UBE3B: variants seen among roughly 807,000 people sequenced by gnomAD.
The protein encoded by UBE3B is ubiquitin-protein ligase E3B.
UBE3B carries 80 observed loss-of-function variants against 132.3 expected under a neutral mutation model. The observed-to-expected ratio is 0.60, with a 90% CI of 0.50 to 0.73. UBE3B has a LOEUF of 0.73. UBE3B is among the 30% of genes least tolerant of loss of function. The probability of loss-of-function intolerance (pLI) is 0.00; values close to 1 mark genes in which losing one functional copy is unlikely to be tolerated. For synonymous variants in UBE3B, 487 were observed against 520.4 expected, an observed-to-expected ratio of 0.94 and a Z score of 0.87; for missense variants, 1,196 against 1,362.5, an observed-to-expected ratio of 0.88 and a Z score of 1.92.
chr12:109,525,822 A>C (rs1828892429), intron 23 of UBE3B, among the ~76,000 whole-genome samples: 1 of 152,222 alleles, frequency 6.6e-6, no homozygotes, highest in African/African-American at 2.4e-5. Context: ...ATTAGCTCTA[A>C]TATGAGCAAA....
At chr12:109,509,306 C>A (rs1350359805) in intron 15 of UBE3B, 3 of 194,774 alleles carry the variant, frequency 1.5e-5, no homozygotes, top group African/African-American at 2.3e-5. Flanking sequence ...GCTGAAAGTG[C>A]AGGTTTGTTA....
intron 9 of UBE3B, chr12:109,492,610 C>CCATGTGCCTGTGGTTCCAG (rs1877627026): frequency 6.6e-6 from 1 of 151,962 alleles, no homozygotes; most frequent in Non-Finnish European, 1.5e-5. Context: ...GGGCATGGTG[C>CCATGTGCCTGTGGTTCCAG]CATGTGCCTG....
chr12:109,507,357 G>A (rs1477237867), intron 14 of UBE3B, among the ~76,000 whole-genome samples: 1 of 152,236 alleles, frequency 6.6e-6, no homozygotes, highest in African/African-American at 2.4e-5. Flanking sequence ...AATGGTGCCT[G>A]GCACATAGTC....
At chr12:109,540,849 G>A (rs112916116), downstream of UBE3B, among the ~76,000 whole-genome samples, 1 of 152,232 alleles carries the variant, frequency 6.6e-6, no homozygotes, top group African/African-American at 2.4e-5. Context: ...AACTTGTGCT[G>A]TTGCAAAGAG....
Position 109,486,364 on chromosome 12 carries a change from C to T in UBE3B, c.343-107C>T, listed in dbSNP as rs961783223. 7 of 920,854 alleles carry T rather than the reference C, an allele frequency of 7.6e-6. No individual in the cohort carries two copies. The East Asian group carries it at 1.7e-4, about 23-fold the overall frequency. 57.0% of individuals were successfully genotyped at this position (920,854 alleles called of 1,614,324 possible). A position where few individuals can be genotyped will look rare whatever the true frequency, so the allele number is the denominator to read the frequency against. On this transcript the variant is annotated intron_variant, in intron 5 of 27. Coordinates refer to ENST00000342494, the MANE Select transcript of UBE3B (RefSeq NM_130466.4). ...CTTATTTGTCCATTCAGGTCCACTG[C>T]TTTATCTGGCACTGGACCTAACTAA...
At chr12:109,496,893 C>T (rs1425820922) in intron 9 of UBE3B, among the ~76,000 whole-genome samples, 1 of 152,152 alleles carries the variant, frequency 6.6e-6, no homozygotes, top group Non-Finnish European at 1.5e-5. Context: ...TGAAGAAGCA[C>T]AACTTACCTG....
intron 8 of UBE3B, chr12:109,490,790 A>C: frequency 7.4e-7 from 1 of 1,354,784 alleles, no homozygotes; most frequent in Non-Finnish European, 9.6e-7. Context: ...TTTTATAAAA[A>C]CACTGCATAC....
chr12:109,488,728 C>T (rs1303880943), intron 7 of UBE3B, 60 bp downstream of exon 7: 5 of 1,522,018 alleles, frequency 3.3e-6, no homozygotes, highest in Non-Finnish European at 4.6e-6. Context: ...AGCTCAGGGA[C>T]CTTTTTTCCT....
At position 109,486,540 on chromosome 12, in the gene UBE3B, T is replaced by C. The variant is rs1362582364; in HGVS notation, c.412T>C (p.Leu138=). The change falls in exon 6 of 28, where the codon TTG becomes CTG. Residue 138 remains leucine, a synonymous_variant. Transcript: ENST00000342494. ...TTGGATTCAACAGATCAAGAACATT[T>C]TGTGGTACTGCTGTGATTTTCTCAA... The part of the protein sequence containing the change: ...LLWIQQIKNI[L]WYCCDFLKQL... 5.0e-6 allele frequency: 8 copies of C among 1,609,536 alleles called. No individual in the cohort carries two copies. Among genetic ancestry groups the C allele is most frequent in the Non-Finnish European group, 6.8e-6 (8 of 1,178,704 alleles).
intron 25 of UBE3B, 63 bp downstream of exon 25, chr12:109,530,135 C>T (rs866715174): frequency 1.2e-5 from 19 of 1,587,514 alleles, no homozygotes; most frequent in African/African-American, 2.7e-5. Flanking sequence ...GCTGCTCCCT[C>T]GCTGGGTTCC....
In UBE3B at chr12:109,489,951, T is replaced by A; in HGVS notation, c.577T>A (p.Cys193Ser). 1 of 1,614,244 alleles carries A rather than the reference T, an allele frequency of 6.2e-7. No homozygotes were observed. The highest frequency in any genetic ancestry group is 1.3e-5 in the African/African-American group (1 of 75,078). ...ESLRPAMNHI[C>S]ANIMGHLNQH... Reference sequence around the variant, plus strand: ...TCTTCGACCAGCGATGAACCACATTTGTGCAAATATAATGGGACATCTCAA... The same window carrying A: ...TCTTCGACCAGCGATGAACCACATTAGTGCAAATATAATGGGACATCTCAA... The change falls in exon 8 of 28, where the codon TGT (cysteine) becomes AGT (serine). Residue 193 changes from cysteine to serine, a missense_variant. Transcript: ENST00000342494.
At chr12:109,490,080 C>G (rs758080209) in intron 8 of UBE3B, 76 bp downstream of exon 8, 2 of 1,400,242 alleles carry the variant, frequency 1.4e-6, no homozygotes, top group Non-Finnish European at 2.0e-6. Context: ...CATTTGCATT[C>G]AGCATACCTG....
chr12:109,523,782 A>G (rs1566108931), intron 21 of UBE3B, among the ~76,000 whole-genome samples, 196 bp from the exon 22 acceptor site: 1 of 152,190 alleles, frequency 6.6e-6, no homozygotes, highest in East Asian at 1.9e-4. Flanking sequence ...TGTCCTGACC[A>G]CTGCGCTGTC....
Position 109,534,576 on chromosome 12 carries a change from G to A in UBE3B, c.3016-15G>A, listed in dbSNP as rs369075901. 9.5e-4 allele frequency: 1,511 copies of A among 1,594,250 alleles called. 3 individuals carry two copies. Among genetic ancestry groups the A allele is most frequent in the Non-Finnish European group, 1.1e-3 (1,339 of 1,169,882 alleles). On this transcript the variant is annotated splice_polypyrimidine_tract_variant and intron_variant, in intron 27 of 27. Transcript: ENST00000342494. This position sits in a 1 kb window ranked among gnomAD's most constrained non-coding sequence, Gnocchi z 5.2. ...TAGGCCCTTCCCAATTCAAGGCCAC[G>A]ATGTGTGCCTTCAGGACACCGGGGA...
chr12:109,525,981 A>T (rs1003008724), intron 23 of UBE3B, among the ~76,000 whole-genome samples: 21 of 151,980 alleles, frequency 1.4e-4, no homozygotes, highest in African/African-American at 4.1e-4. Flanking sequence ...GCCTTTTTTC[A>T]CCTTTTTAGT....
downstream of UBE3B, among the ~76,000 whole-genome samples, chr12:109,538,139 GAA>G (rs1883521354): frequency 1.3e-5 from 2 of 152,228 alleles, no homozygotes; most frequent in Non-Finnish European, 2.9e-5. The surrounding 1 kb of genome is among the most constrained non-coding windows in gnomAD (Gnocchi z 4.1). Flanking sequence ...AAGTGCCTAA[GAA>G]TAATTAGCTG....
chr12:109,486,396 C>T (rs1260190390), intron 5 of UBE3B, 75 bp from the exon 6 acceptor site: 8 of 1,221,998 alleles, frequency 6.5e-6, no homozygotes, highest in Non-Finnish European at 9.4e-6. Flanking sequence ...CTAATAGGTC[C>T]AGTTCCAACA....
chr12:109,479,566 T>C (rs1874991836), intron 1 of UBE3B, among the ~76,000 whole-genome samples: 1 of 152,244 alleles, frequency 6.6e-6, no homozygotes, highest in African/African-American at 2.4e-5. Context: ...GCCTTTTCTT[T>C]GGTTCTCCAT....
At chr12:109,490,564 A>G (rs1281908003) in intron 8 of UBE3B, 1 of 1,535,998 alleles carries the variant, frequency 6.5e-7, no homozygotes, top group Non-Finnish European at 8.7e-7. Context: ...CCGTTGGCAG[A>G]AGCTGGTATG....
Sources: allele counts gnomAD v4.1 joint callset (sites outside exome capture counted in the v4.1 genomes callset), GRCh38; gene constraint gnomAD v4.1.1; non-coding constraint Gnocchi (gnomAD v3.1); transcripts MANE v1.5; gene names NCBI Gene and HGNC (gene_info 2026-07-23, HGNC 2026-07-21).